IMMP2L: variants seen among roughly 807,000 people sequenced by gnomAD.
IMMP2L encodes the protein inner mitochondrial membrane peptidase subunit 2, also known as mitochondrial inner membrane protease subunit 2.
In IMMP2L, 18 loss-of-function variants were observed where a neutral mutation model predicts 19.3. That is an observed-to-expected ratio of 0.93 (90% confidence interval 0.64 to 1.38). The LOEUF (loss-of-function observed/expected upper bound fraction) is 1.38, where lower values mean the gene tolerates loss of function less well. Among genes scored for constraint, IMMP2L ranks in the 40% most tolerant of loss-of-function variants. The pLI, the probability that IMMP2L is intolerant of heterozygous loss-of-function variation, is 0.00. For synonymous variants in IMMP2L, 76 were observed against 73.0 expected, an observed-to-expected ratio of 1.04 and a Z score of -0.21; for missense variants, 233 against 218.2, an observed-to-expected ratio of 1.07 and a Z score of -0.43.
intron 3 of IMMP2L, among the ~76,000 whole-genome samples, chr7:111,216,047 C>A (rs1182533861): frequency 6.6e-6 from 1 of 152,158 alleles, no homozygotes; most frequent in African/African-American, 2.4e-5. Flanking sequence ...TTCCAACTGT[C>A]TTTCTCTTCA....
Position 110,683,542 on chromosome 7 carries a change from G to A in IMMP2L, c.409-19821C>T, listed in dbSNP as rs545648036. Among the ~76,000 whole-genome samples the A allele has an allele frequency of 1.3e-4, 20 of 152,104 alleles. No individual in the cohort carries two copies. The South Asian group carries it at 1.9e-3, about 14-fold the overall frequency. On this transcript the variant is annotated intron_variant, in intron 5 of 5. Coordinates refer to ENST00000405709, the MANE Select transcript of IMMP2L (RefSeq NM_032549.4). ...CTTTTTATCAGGTCAACTAATAAGC[G>A]AATTAAAGCAAAAGACAAGAAATTT...
intron 4 of IMMP2L, among the ~76,000 whole-genome samples, chr7:110,892,327 T>C (rs1225686863): frequency 7.9e-5 from 12 of 152,150 alleles, no homozygotes; most frequent in Admixed American, 6.6e-4. Context: ...TCTCAGGCCA[T>C]TGTATGTTCA....
intron 3 of IMMP2L, among the ~76,000 whole-genome samples, chr7:111,074,784 A>G (rs1795245641): frequency 6.6e-6 from 1 of 152,194 alleles, no homozygotes; most frequent in South Asian, 2.1e-4. Context: ...CCAAGATTGC[A>G]ATCACGTATT....
chr7:111,007,939 G>T (rs538371867), intron 3 of IMMP2L, among the ~76,000 whole-genome samples: 56 of 151,838 alleles, frequency 3.7e-4, no homozygotes, highest in African/African-American at 1.3e-3. Context: ...CATCCTTCCG[G>T]GTTAAAAACA....
At chr7:110,906,311 A>G (rs1390288979) in intron 4 of IMMP2L, among the ~76,000 whole-genome samples, 1 of 152,228 alleles carries the variant, frequency 6.6e-6, no homozygotes, top group Admixed American at 6.5e-5. Flanking sequence ...ACATAGTATG[A>G]CTACAGAGTA....
At chr7:111,322,030 C>T (rs1758876354) in intron 3 of IMMP2L, among the ~76,000 whole-genome samples, 1 of 151,614 alleles carries the variant, frequency 6.6e-6, no homozygotes, top group Non-Finnish European at 1.5e-5. Context: ...ATAATGTGAT[C>T]TACTGCATTC....
At chr7:110,697,908 G>T (rs890301967) in intron 5 of IMMP2L, among the ~76,000 whole-genome samples, 1 of 152,190 alleles carries the variant, frequency 6.6e-6, no homozygotes, top group South Asian at 2.1e-4. Context: ...TTGTCTTTGT[G>T]TAATGTATAC....
In IMMP2L at chr7:111,552,428, C is replaced by CA. The variant is rs372710881; in HGVS notation, c.-3+9422dup. On this transcript the variant is annotated intron_variant, in intron 1 of 5. Transcript: ENST00000405709. ...TCAGCCTCCTGAGGACCTGGCATCA[C>CA]AGGCATGTATCATCACACCCGGCTA... Among the ~76,000 whole-genome samples the CA allele has an allele frequency of 2.1e-3, 319 of 152,244 alleles. 3 individuals carry two copies. Among genetic ancestry groups the CA allele is most frequent in the African/African-American group, 7.3e-3 (302 of 41,550 alleles).
intron 5 of IMMP2L, among the ~76,000 whole-genome samples, chr7:110,867,345 G>T (rs149469709): frequency 6.6e-6 from 1 of 151,696 alleles, no homozygotes; most frequent in South Asian, 2.1e-4. Flanking sequence ...TCATTACCCC[G>T]CAAAGTTCTC....
chr7:110,819,938 T>C (rs1028668815), intron 5 of IMMP2L, among the ~76,000 whole-genome samples: 3 of 152,098 alleles, frequency 2.0e-5, no homozygotes, highest in Non-Finnish European at 4.4e-5. Flanking sequence ...ATTTACATGC[T>C]GTTCATTTTG....
Position 110,873,429 on chromosome 7 carries a change from CAAAAAAAAA to C in IMMP2L, c.408+13155_408+13163del, listed in dbSNP as rs60827428. ...TGGGAGACAGAGCAAGACTCTATCT[CAAAAAAAAA>C]AAAAAAAAAAAAAAAAAAAAGTTAA... is the stretch of plus-strand genomic sequence containing the variant. On this transcript the variant is annotated intron_variant, in intron 5 of 5. Coordinates refer to ENST00000405709, the MANE Select transcript of IMMP2L (RefSeq NM_032549.4). Among the ~76,000 whole-genome samples, 380 of 28,928 alleles carry C rather than the reference CAAAAAAAAA, an allele frequency of 0.013. No homozygotes were observed. In the Middle Eastern group the frequency reaches 0.2, roughly 15 times the overall value. The allele number at this position is 28,928 out of a possible 152,430, so 19.0% of individuals were successfully genotyped here.
chr7:111,330,652 G>T (rs1444035810), intron 3 of IMMP2L, among the ~76,000 whole-genome samples: 1 of 151,738 alleles, frequency 6.6e-6, no homozygotes, highest in Non-Finnish European at 1.5e-5. Flanking sequence ...ACTGGCAATA[G>T]ATTTATCAAA....
intron 3 of IMMP2L, among the ~76,000 whole-genome samples, chr7:111,427,793 A>G (rs947759769): frequency 3.3e-5 from 5 of 151,848 alleles, no homozygotes; most frequent in Non-Finnish European, 5.9e-5. Flanking sequence ...AGCCCCACAT[A>G]TCAAAAAATT....
intron 3 of IMMP2L, among the ~76,000 whole-genome samples, chr7:111,025,941 A>G (rs10242934): frequency 0.024 from 3,653 of 152,212 alleles, 138 homozygotes; most frequent in African/African-American, 0.083. Context: ...TAATAGGCAT[A>G]TAACAAGTTC....
At chr7:111,445,240 G>C (rs892736405) in intron 3 of IMMP2L, among the ~76,000 whole-genome samples, 1 of 151,910 alleles carries the variant, frequency 6.6e-6, no homozygotes, top group Non-Finnish European at 1.5e-5. Flanking sequence ...GTTTTGGGCA[G>C]ACAAACTGTG....
At chr7:111,406,966 C>T (rs1485854853) in intron 3 of IMMP2L, among the ~76,000 whole-genome samples, 1 of 151,972 alleles carries the variant, frequency 6.6e-6, no homozygotes, top group Admixed American at 6.6e-5. Flanking sequence ...AATTATCCCA[C>T]ATGAGGAAAA....
chr7:111,294,243 G>A (rs1203770719), intron 3 of IMMP2L, among the ~76,000 whole-genome samples: 1 of 151,856 alleles, frequency 6.6e-6, no homozygotes, highest in African/African-American at 2.4e-5. Context: ...ATATTGATTT[G>A]AGAGATGTAT....
At chr7:110,839,863 T>G (rs1804888520) in intron 5 of IMMP2L, among the ~76,000 whole-genome samples, 1 of 152,152 alleles carries the variant, frequency 6.6e-6, no homozygotes, top group South Asian at 2.1e-4. Context: ...TTCATTCATA[T>G]AGTATCAACT....
chr7:111,023,656 G>A (rs1217577377), intron 3 of IMMP2L, among the ~76,000 whole-genome samples: 7 of 152,104 alleles, frequency 4.6e-5, no homozygotes, highest in African/African-American at 1.7e-4. Flanking sequence ...GCAGTGAGCC[G>A]AGATCATGCC....
Sources: allele counts gnomAD v4.1 joint callset (sites outside exome capture counted in the v4.1 genomes callset), GRCh38; gene constraint gnomAD v4.1.1; transcripts MANE v1.5; gene names NCBI Gene and HGNC (gene_info 2026-07-23, HGNC 2026-07-21).